ANKRD31: variants seen among roughly 807,000 people sequenced by gnomAD.
The protein encoded by ANKRD31 is ankyrin repeat domain 31, also known as ankyrin repeat domain-containing protein 31.
ANKRD31 carries 147 observed loss-of-function variants against 186.0 expected under a neutral mutation model. That is an observed-to-expected ratio of 0.79 (90% confidence interval 0.69 to 0.91). The LOEUF (loss-of-function observed/expected upper bound fraction) is 0.91, where lower values mean the gene tolerates loss of function less well. ANKRD31 is among the 40% of genes least tolerant of loss of function. The probability of loss-of-function intolerance (pLI) is 0.00; values close to 1 mark genes in which losing one functional copy is unlikely to be tolerated. For missense variants in ANKRD31, 1,986 were observed against 2,148.8 expected (o/e 0.92, Z 1.50); for synonymous variants, 673 against 736.4 (o/e 0.91, Z 1.39).
intron 17 of ANKRD31, among the ~76,000 whole-genome samples, chr5:75,123,233 T>C (rs1315891618): frequency 1.3e-5 from 2 of 151,688 alleles, no homozygotes; most frequent in African/African-American, 2.4e-5. Context: ...CCTAGGAATA[T>C]AGTTAACCAA....
rs575790589 is a variant in ANKRD31, at chr5:75,163,512, G to A, written c.1707+5467C>T. On this transcript the variant is annotated intron_variant, in intron 11 of 25. Transcript: ENST00000506364. ...AGCTAAGAGGGTCTTTTTCTCTTAGGGTGACTGAATAAATTGTATGTTGTG... is the reference window on the plus strand; with the variant it reads ...AGCTAAGAGGGTCTTTTTCTCTTAGAGTGACTGAATAAATTGTATGTTGTG... Among the ~76,000 whole-genome samples the A allele has an allele frequency of 7.8e-4, 119 of 152,184 alleles. 1 individual carries two copies. Among genetic ancestry groups the A allele is most frequent in the African/African-American group, 2.7e-3 (113 of 41,516 alleles).
intron 3 of ANKRD31, among the ~76,000 whole-genome samples, chr5:75,221,979 G>A (rs1367168777): frequency 6.6e-6 from 1 of 152,036 alleles, no homozygotes; most frequent in Non-Finnish European, 1.5e-5. Flanking sequence ...AGTTGCATGT[G>A]GATTTTTCAC....
At chr5:75,086,917 G>C (rs1477124382) in intron 23 of ANKRD31, among the ~76,000 whole-genome samples, 1 of 152,308 alleles carries the variant, frequency 6.6e-6, no homozygotes, top group East Asian at 1.9e-4. Context: ...ATGCATGTTT[G>C]AGGAAAATAG....
intron 3 of ANKRD31, among the ~76,000 whole-genome samples, chr5:75,214,491 G>A: frequency 6.6e-6 from 1 of 152,174 alleles, no homozygotes; most frequent in East Asian, 1.9e-4. Flanking sequence ...TTATTACTCA[G>A]TGAGGCAGCT....
chr5:75,074,349 C>G (rs1744463161), intron 25 of ANKRD31, among the ~76,000 whole-genome samples: 1 of 152,218 alleles, frequency 6.6e-6, no homozygotes, highest in Non-Finnish European at 1.5e-5. Flanking sequence ...CTCTACTGCA[C>G]TAGGTCTCCC....
At chr5:75,177,974 G>A (rs975632249) in intron 10 of ANKRD31, among the ~76,000 whole-genome samples, 2 of 152,138 alleles carry the variant, frequency 1.3e-5, no homozygotes, top group Admixed American at 6.5e-5. Flanking sequence ...TCCGTGTGCT[G>A]TATTCAGGAA....
intron 20 of ANKRD31, among the ~76,000 whole-genome samples, chr5:75,112,182 C>T (rs559317100): frequency 1.3e-5 from 2 of 152,208 alleles, no homozygotes; most frequent in African/African-American, 4.8e-5. Flanking sequence ...GCTCCGCCTC[C>T]AGGGTTCATG....
At chr5:75,071,170 C>G (rs1176117033) in intron 25 of ANKRD31, among the ~76,000 whole-genome samples, 2 of 151,874 alleles carry the variant, frequency 1.3e-5, no homozygotes, top group African/African-American at 4.8e-5. Flanking sequence ...ATATTTAATT[C>G]AGCCACTGCT....
intron 23 of ANKRD31, among the ~76,000 whole-genome samples, chr5:75,087,135 G>A (rs527606343): frequency 3.9e-5 from 6 of 152,210 alleles, no homozygotes; most frequent in African/African-American, 1.4e-4. Flanking sequence ...CTTCCCTTCT[G>A]GGACTCCATT....
At chr5:75,169,558 T>C (rs1753171768) in intron 10 of ANKRD31, among the ~76,000 whole-genome samples, 1 of 152,186 alleles carries the variant, frequency 6.6e-6, no homozygotes, top group African/African-American at 2.4e-5. Context: ...ATATTCATTT[T>C]TTCTCCTTCT....
chr5:75,144,196 A>G, intron 14 of ANKRD31, 25 bp from the exon 15 acceptor site: 1 of 396,446 alleles, frequency 2.5e-6, no homozygotes, highest in Non-Finnish European at 4.5e-6. Flanking sequence ...TTACAATATC[A>G]GTGTTGTTGT....
intron 10 of ANKRD31, among the ~76,000 whole-genome samples, chr5:75,175,107 T>A (rs1753681754): frequency 6.6e-6 from 1 of 152,182 alleles, no homozygotes; most frequent in Non-Finnish European, 1.5e-5. Flanking sequence ...GAAACCATCA[T>A]TCTGAGCAAA....
chr5:75,228,847 C>T (rs909053746), intron 2 of ANKRD31, among the ~76,000 whole-genome samples: 1 of 152,158 alleles, frequency 6.6e-6, no homozygotes, highest in Non-Finnish European at 1.5e-5. Flanking sequence ...CATAAGAAGG[C>T]ATCCTGGAGA....
intron 14 of ANKRD31, 68 bp downstream of exon 14, chr5:75,145,919 T>C (rs563100293): frequency 1.7e-4 from 217 of 1,298,722 alleles, no homozygotes; most frequent in Non-Finnish European, 2.1e-4. Context: ...TACAATTCAG[T>C]TGGAAATTTC....
chr5:75,082,748 T>G (rs1745181759), intron 24 of ANKRD31, among the ~76,000 whole-genome samples: 1 of 152,238 alleles, frequency 6.6e-6, no homozygotes, highest in South Asian at 2.1e-4. Context: ...CTATCCAAAG[T>G]AAGTACAGCA....
intron 19 of ANKRD31, among the ~76,000 whole-genome samples, chr5:75,115,207 G>A (rs1748117163): frequency 1.3e-5 from 2 of 150,350 alleles, no homozygotes; most frequent in South Asian, 2.1e-4. Flanking sequence ...CTAGCCATAT[G>A]TAGAAAGCTG....
At chr5:75,197,068 T>G (rs1411958327) in intron 6 of ANKRD31, among the ~76,000 whole-genome samples, 3 of 152,042 alleles carry the variant, frequency 2.0e-5, no homozygotes, top group Non-Finnish European at 2.9e-5. Flanking sequence ...GCCCTGTTAA[T>G]TTTTTGTACT....
At chr5:75,204,746 G>A (rs137982986) in intron 5 of ANKRD31, among the ~76,000 whole-genome samples, 177 of 151,546 alleles carry the variant, frequency 1.2e-3, no homozygotes, top group African/African-American at 4.0e-3. Context: ...CCTTTCCTTG[G>A]TACAATTCTT....
intron 10 of ANKRD31, among the ~76,000 whole-genome samples, chr5:75,185,817 CT>C (rs1754674393): frequency 1.3e-5 from 2 of 151,118 alleles, no homozygotes; most frequent in Admixed American, 6.6e-5. Context: ...TTATAATACA[CT>C]ATATATTATA....
Sources: gnomAD v4.1 joint callset for allele counts (sites outside exome capture counted in the v4.1 genomes callset) on GRCh38, gnomAD v4.1.1 for gene constraint, MANE v1.5 for transcripts, NCBI Gene and HGNC (gene_info 2026-07-23, HGNC 2026-07-21) for gene names.